Variants in EDA observed in about 807,000 individuals in gnomAD.
The protein encoded by EDA is ectodysplasin A.
Under a neutral mutation model 23.6 loss-of-function variants are expected in EDA, and 2 were observed. The ratio of observed to expected loss-of-function variants is 0.08; its 90% CI spans 0.03 to 0.27. The LOEUF (loss-of-function observed/expected upper bound fraction) is 0.27, where lower values mean the gene tolerates loss of function less well. EDA is among the 10% of genes least tolerant of loss of function. The pLI, the probability that EDA is intolerant of heterozygous loss-of-function variation, is 1.00. For synonymous variants in EDA, 131 were observed against 132.0 expected, an observed-to-expected ratio of 0.99 and a Z score of 0.05; for missense variants, 229 against 324.2, an observed-to-expected ratio of 0.71 and a Z score of 2.26.
At chrX:69,835,750 C>T (rs1177374633) in intron 1 of EDA, among the ~76,000 whole-genome samples, 1 of 111,925 alleles carries the variant, frequency 8.9e-6, no homozygotes, top group Non-Finnish European at 1.9e-5. Flanking sequence ...AGCTTTGTTC[C>T]GCTGCTGTTG....
intron 1 of EDA, among the ~76,000 whole-genome samples, chrX:69,791,939 G>T (rs1219580515): frequency 1.8e-5 from 2 of 112,300 alleles, no homozygotes; most frequent in Non-Finnish European, 3.8e-5. Flanking sequence ...ACTGCACCCG[G>T]CAACAATTGT....
intron 2 of EDA, among the ~76,000 whole-genome samples, chrX:70,003,542 A>G (rs1267138419): frequency 8.9e-6 from 1 of 111,838 alleles, no homozygotes; most frequent in Non-Finnish European, 1.9e-5. Flanking sequence ...AACTTGCCCA[A>G]GGTTACATAG....
At chrX:69,926,120 AT>A (rs893490518) in intron 1 of EDA, among the ~76,000 whole-genome samples, 9 of 108,207 alleles carry the variant, frequency 8.3e-5, no homozygotes, top group East Asian at 2.9e-4. Flanking sequence ...GGATTCATTG[AT>A]TTTTTTTTGG....
chrX:69,969,690 G>A (rs2019221989), intron 2 of EDA, among the ~76,000 whole-genome samples: 1 of 112,049 alleles, frequency 8.9e-6, no homozygotes, highest in Admixed American at 9.5e-5. Flanking sequence ...AGCATTTTGA[G>A]TCTAATTCAT....
chrX:69,629,195 A>G lies in EDA; in HGVS notation c.396+12491A>G, dbSNP rs758611262. On this transcript the variant is annotated intron_variant, in intron 1 of 7. Coordinates refer to ENST00000374552, the MANE Select transcript of EDA (RefSeq NM_001399.5). The stretch of plus-strand genomic sequence containing the variant: ...AATCTTGTTTTATCCAGACTGGTCC[A>G]CTGACAGGCCGCGTTCTGGCCTTTG... 1.3e-4 allele frequency among the ~76,000 whole-genome samples: 15 copies of G among 111,702 alleles called. No homozygotes were observed. In the South Asian group the frequency reaches 5.7e-3, roughly 42 times the overall value.
chrX:69,739,271 A>G (rs1431470700), intron 1 of EDA, among the ~76,000 whole-genome samples: 2 of 111,193 alleles, frequency 1.8e-5, no homozygotes, highest in African/African-American at 6.5e-5. Context: ...TTTATCTTAA[A>G]GTATGTTTTG....
At chrX:69,649,962 C>A (rs1485509814) in intron 1 of EDA, among the ~76,000 whole-genome samples, 1 of 111,955 alleles carries the variant, frequency 8.9e-6, no homozygotes, top group Non-Finnish European at 1.9e-5. Flanking sequence ...AGAGTTGGAA[C>A]TGTGGCTGCC....
intron 1 of EDA, among the ~76,000 whole-genome samples, chrX:69,688,382 T>C (rs1934608170): frequency 9.0e-6 from 1 of 111,714 alleles, no homozygotes; most frequent in Non-Finnish European, 1.9e-5. Flanking sequence ...CACTGATATA[T>C]GTAAGCAAAG....
At chrX:69,925,206 A>AG (rs2018496168) in intron 1 of EDA, among the ~76,000 whole-genome samples, 1 of 111,751 alleles carries the variant, frequency 8.9e-6, no homozygotes, top group Non-Finnish European at 1.9e-5. Context: ...GAGTGGTAAG[A>AG]GAGGGCATCC....
chrX:69,960,027 T>C (rs1023455830), intron 2 of EDA, among the ~76,000 whole-genome samples: 2 of 111,640 alleles, frequency 1.8e-5, no homozygotes, highest in Admixed American at 1.9e-4. Flanking sequence ...AGGTAAGGAC[T>C]CTGGCTTTTA....
intron 2 of EDA, among the ~76,000 whole-genome samples, chrX:69,996,974 A>G (rs2019666144): frequency 8.9e-6 from 1 of 112,428 alleles, no homozygotes; most frequent in Admixed American, 9.4e-5. Context: ...CTGTAAGTCC[A>G]TTAAACCTCT....
chrX:69,803,303 T>G (rs1026101015), intron 1 of EDA, among the ~76,000 whole-genome samples: 6 of 109,707 alleles, frequency 5.5e-5, no homozygotes, highest in African/African-American at 9.9e-5. Flanking sequence ...GTTTTTTTGG[T>G]TTTTTTTTAA....
chrX:69,999,620 GA>G (rs772656027), intron 2 of EDA, among the ~76,000 whole-genome samples: 8 of 77,102 alleles, frequency 1.0e-4, no homozygotes, highest in Non-Finnish European at 1.5e-4. Context: ...CTGTCTCAGA[GA>G]AAAAAAAAAA....
At chrX:69,962,428 C>CATTTT (rs751747916) in intron 2 of EDA, among the ~76,000 whole-genome samples, 4 of 112,169 alleles carry the variant, frequency 3.6e-5, no homozygotes, top group East Asian at 2.8e-4. Flanking sequence ...AAAAGTACCT[C>CATTTT]ATTTTATTTT....
At chrX:69,636,670 A>G (rs1220001084) in intron 1 of EDA, among the ~76,000 whole-genome samples, 2 of 105,668 alleles carry the variant, frequency 1.9e-5, no homozygotes, top group Admixed American at 1.0e-4. Flanking sequence ...CTTTTGAAGG[A>G]AAGAATTAGA....
At chrX:69,937,675 G>C (rs1055152456) in intron 1 of EDA, 4 of 1,106,827 alleles carry the variant, frequency 3.6e-6, no homozygotes, top group Admixed American at 4.4e-5. Context: ...GTTGTTAGTA[G>C]CTCTATAGAG....
chrX:70,031,879 C>T (rs2020204132), intron 6 of EDA, among the ~76,000 whole-genome samples: 1 of 112,401 alleles, frequency 8.9e-6, no homozygotes, highest in Non-Finnish European at 1.9e-5. Context: ...ACTGATTTTG[C>T]TCCCACTGCC....
intron 1 of EDA, among the ~76,000 whole-genome samples, chrX:69,835,974 C>T (rs768606813): frequency 0.06 from 6,714 of 112,010 alleles, 204 homozygotes; most frequent in Middle Eastern, 0.092. Context: ...TTAGGTCCCT[C>T]AGCTGCAGGT....
intron 1 of EDA, among the ~76,000 whole-genome samples, chrX:69,829,548 C>T (rs1177463717): frequency 8.9e-6 from 1 of 112,246 alleles, no homozygotes; most frequent in Non-Finnish European, 1.9e-5. Flanking sequence ...ATAAACATCA[C>T]AGATGGTTGT....
Sources: gnomAD v4.1 joint callset for allele counts (sites outside exome capture counted in the v4.1 genomes callset) on GRCh38, gnomAD v4.1.1 for gene constraint, MANE v1.5 for transcripts, NCBI Gene and HGNC (gene_info 2026-07-23, HGNC 2026-07-21) for gene names.